Variants in RIMKLB observed in about 807,000 individuals in gnomAD.
RIMKLB encodes beta-citrylglutamate synthase B.
RIMKLB carries 7 observed loss-of-function variants against 32.0 expected under a neutral mutation model. That is an observed-to-expected ratio of 0.22 (90% CI 0.12 to 0.41). The LOEUF is 0.41. Among genes scored for constraint, RIMKLB ranks in the 10% least tolerant of loss-of-function variants. The pLI is 1.00. For missense variants in RIMKLB, 289 were observed against 498.7 expected, an observed-to-expected ratio of 0.58 and a Z score of 4.00; for synonymous variants, 172 against 185.1, an observed-to-expected ratio of 0.93 and a Z score of 0.57.
At chr12:8,734,409 A>T (rs768888993) in intron 2 of RIMKLB, among the ~76,000 whole-genome samples, 70 of 152,350 alleles carry the variant, frequency 4.6e-4, no homozygotes, top group Admixed American at 1.4e-3. Context: ...CTGGTGACCT[A>T]TTGACGCTTA....
intron 4 of RIMKLB, 141 bp downstream of exon 4, chr12:8,752,184 A>C: frequency 8.6e-6 from 5 of 580,254 alleles, no homozygotes; most frequent in Non-Finnish European, 1.2e-5. Flanking sequence ...TGAGTTGTTC[A>C]GTTTGGCTAA....
Position 8,761,333 on chromosome 12 carries a change from A to T in RIMKLB, c.697+7240A>T, listed in dbSNP as rs1422124312. On this transcript the variant is annotated intron_variant, in intron 5 of 5. Transcript: ENST00000535829. ...ATTGCCCTTTGCATTTTAAAAATAA[A>T]CCTTCTTTGGATAGCTTACTGTTCT... is the stretch of plus-strand genomic sequence containing the variant. Among the ~76,000 whole-genome samples the T allele has an allele frequency of 4.6e-5, 7 of 151,636 alleles. No individual in the cohort carries two copies. The East Asian group carries it at 1.4e-3, about 29-fold the overall frequency.
At chr12:8,744,178 A>G (rs997070073) in intron 2 of RIMKLB, among the ~76,000 whole-genome samples, 2 of 151,990 alleles carry the variant, frequency 1.3e-5, no homozygotes, top group African/African-American at 4.9e-5. Context: ...CTCATAAGGC[A>G]GAGTCCTAAG....
chr12:8,726,643 C>T (rs774121034), intron 2 of RIMKLB, among the ~76,000 whole-genome samples: 15 of 150,890 alleles, frequency 9.9e-5, no homozygotes, highest in African/African-American at 3.7e-4. Context: ...CACAAGTTTA[C>T]TGGGCCATTT....
Position 8,704,971 on chromosome 12 carries a change from A to AACACACAC in RIMKLB, c.-57+6696_-57+6703dup, listed in dbSNP as rs3076182. The stretch of plus-strand genomic sequence containing the variant: ...GTGCAGAGCAAGACCTCACCTCTAA[A>AACACACAC]ACACACACACACACACACACACACA... On this transcript the variant is annotated intron_variant, in intron 1 of 5. Transcript: ENST00000535829. Among the ~76,000 whole-genome samples, 1,449 of 146,660 alleles carry AACACACAC rather than the reference A, an allele frequency of 9.9e-3. 27 individuals carry two copies. Among genetic ancestry groups the AACACACAC allele is most frequent in the African/African-American group, 0.034 (1,329 of 39,370 alleles).
Position 8,775,486 on chromosome 12 carries a change from T to TC in RIMKLB, c.*1704dup. Reference sequence around the variant, plus strand: ...AGCAAGTTTTCCATCTCCCTACGAATCCTCTGAAGCTTTTACCCAAGCCCT... The same window carrying TC: ...AGCAAGTTTTCCATCTCCCTACGAATCCCTCTGAAGCTTTTACCCAAGCCCT... On this transcript the variant is annotated 3_prime_UTR_variant, in exon 6 of 6. Transcript: ENST00000535829. 2.0e-6 allele frequency: 2 copies of TC among 985,804 alleles called. No individual in the cohort carries two copies. Among genetic ancestry groups the TC allele is most frequent in the Non-Finnish European group, 2.4e-6 (2 of 829,898 alleles). 61.1% of individuals were successfully genotyped at this position (985,804 alleles called of 1,614,324 possible). A position where few individuals can be genotyped will look rare whatever the true frequency, so the allele number is the denominator to read the frequency against.
intron 5 of RIMKLB, among the ~76,000 whole-genome samples, chr12:8,770,531 A>G (rs1950321773): frequency 6.6e-6 from 1 of 152,258 alleles, no homozygotes; most frequent in South Asian, 2.1e-4. Flanking sequence ...ATCTTCCCAT[A>G]TCTTGAGATC....
At chr12:8,767,650 G>A (rs1950079518) in intron 5 of RIMKLB, among the ~76,000 whole-genome samples, 1 of 152,108 alleles carries the variant, frequency 6.6e-6, no homozygotes, top group Non-Finnish European at 1.5e-5. Context: ...ATCTCAACCG[G>A]CTAACACCAG....
In RIMKLB at chr12:8,773,311, C is replaced by A. The variant is rs775011379; in HGVS notation, c.698-10C>A. 2 of 1,581,460 alleles carry A rather than the reference C, an allele frequency of 1.3e-6. No homozygotes were observed. The highest frequency in any genetic ancestry group is 2.7e-5 in the African/African-American group (2 of 73,960). ...ATTTTGTTAATTTCCTGTCTTGTTT[C>A]TTTTGCCAGGTGGTGTGGGGATGAT... On this transcript the variant is annotated splice_polypyrimidine_tract_variant and intron_variant, in intron 5 of 5. Transcript: ENST00000535829.
At chr12:8,670,130 A>T in the RIMKLB span, among the ~76,000 whole-genome samples, 7 of 151,356 alleles carry the variant, frequency 4.6e-5, no homozygotes, top group African/African-American at 1.7e-4. Context: ...CGAAGTTGAG[A>T]TTTAGGTGAG....
intron 2 of RIMKLB, among the ~76,000 whole-genome samples, chr12:8,714,546 CTA>C (rs1944647292): frequency 1.3e-5 from 2 of 152,230 alleles, no homozygotes; most frequent in South Asian, 4.1e-4. Context: ...TTATAAAACA[CTA>C]TACATGTAAT....
upstream of RIMKLB, among the ~76,000 whole-genome samples, chr12:8,680,143 G>A (rs1201795478): frequency 6.6e-6 from 1 of 152,112 alleles, no homozygotes; most frequent in African/African-American, 2.4e-5. Flanking sequence ...AAAAAGGGAA[G>A]GCATAAATAA....
chr12:8,691,040 T>C (rs1242848827), intron 1 of RIMKLB, among the ~76,000 whole-genome samples: 1 of 152,190 alleles, frequency 6.6e-6, no homozygotes. Flanking sequence ...AACTATGTGT[T>C]TCAAGTATTT....
intron 1 of RIMKLB, among the ~76,000 whole-genome samples, chr12:8,707,445 C>G (rs1591660003): frequency 6.6e-6 from 1 of 152,336 alleles, no homozygotes; most frequent in East Asian, 1.9e-4. Context: ...GCTTCTTTGC[C>G]CTTCCTGGGT....
chr12:8,711,237 G>GA (rs201127415), intron 1 of RIMKLB, among the ~76,000 whole-genome samples: 10,408 of 143,268 alleles, frequency 0.073, 1,160 homozygotes, highest in African/African-American at 0.24. Flanking sequence ...CCATCTCAAG[G>GA]AAAAAAAAAA....
downstream of RIMKLB, chr12:8,778,997 A>G (rs943307580): frequency 3.3e-5 from 5 of 152,196 alleles, no homozygotes; most frequent in Non-Finnish European, 7.3e-5. Flanking sequence ...TAAGACAAAA[A>G]TATTTATCTG....
intron 2 of RIMKLB, among the ~76,000 whole-genome samples, chr12:8,732,223 C>T (rs902470580): frequency 4.6e-5 from 7 of 152,040 alleles, no homozygotes; most frequent in Non-Finnish European, 1.0e-4. Context: ...TTTCTCTTGC[C>T]ACTCTAGCCT....
chr12:8,693,991 C>G (rs1400496251), upstream of RIMKLB, among the ~76,000 whole-genome samples: 3 of 151,954 alleles, frequency 2.0e-5, no homozygotes, highest in Non-Finnish European at 4.4e-5. Context: ...GCCTGTAATC[C>G]CAGCACTTTG....
intron 5 of RIMKLB, among the ~76,000 whole-genome samples, chr12:8,768,667 C>T (rs1950166415): frequency 6.6e-6 from 1 of 152,306 alleles, no homozygotes; most frequent in Non-Finnish European, 1.5e-5. Context: ...GAACCTTTCT[C>T]ATCCTAGTTC....
Sources: gnomAD v4.1 joint callset for allele counts (sites outside exome capture counted in the v4.1 genomes callset) on GRCh38, gnomAD v4.1.1 for gene constraint, MANE v1.5 for transcripts, NCBI Gene and HGNC (gene_info 2026-07-23, HGNC 2026-07-21) for gene names.